The following NRG1 variants were observed in gnomAD, a reference collection of about 807,000 sequenced individuals.
NRG1 encodes the protein pro-neuregulin-1, membrane-bound isoform.
A neutral mutation model predicts 63.8 loss-of-function variants in NRG1; 18 were observed. The observed-to-expected ratio is 0.28, with a 90% CI of 0.19 to 0.42. The LOEUF (loss-of-function observed/expected upper bound fraction) is 0.42. NRG1 is among the 10% of genes least tolerant of loss of function. The pLI is 1.00. For missense variants in NRG1, 762 were observed against 814.7 expected (o/e 0.94, Z 0.79); for synonymous variants, 302 against 301.3 (o/e 1.00, Z -0.02).
intron 9 of NRG1, among the ~76,000 whole-genome samples, chr8:32,757,603 T>C (rs1829916192): frequency 6.6e-6 from 1 of 152,220 alleles, no homozygotes; most frequent in African/African-American, 2.4e-5. Context: ...CATCACAATG[T>C]TCTCCACATT....
At chr8:31,645,639 G>A (rs1469128486) in intron 1 of NRG1, among the ~76,000 whole-genome samples, 2 of 152,176 alleles carry the variant, frequency 1.3e-5, no homozygotes, top group Admixed American at 6.5e-5. Context: ...GCATCCTAGA[G>A]AGAGATGCAT....
In NRG1 at chr8:32,362,483, T is replaced by C. The variant is rs1327291325; in HGVS notation, c.38-233345T>C. Among the ~76,000 whole-genome samples, 3 of 152,246 alleles carry C rather than the reference T, an allele frequency of 2.0e-5. No homozygotes were observed. The East Asian group carries it at 5.8e-4, about 29-fold the overall frequency. On this transcript the variant is annotated intron_variant, in intron 1 of 10. Coordinates refer to the NRG1 transcript ENST00000519301. ...AGGCTTTGGGCATAAAATGCCATTA[T>C]GGAATTACTATTTTATTACAATGGT...
chr8:32,076,526 A>G (rs554675201), intron 1 of NRG1, among the ~76,000 whole-genome samples: 1 of 152,234 alleles, frequency 6.6e-6, no homozygotes. Context: ...GTTTTGACTA[A>G]AATTCCACGG....
intron 1 of NRG1, among the ~76,000 whole-genome samples, chr8:32,370,883 AGAC>A (rs1808746008): frequency 1.4e-5 from 2 of 146,790 alleles, no homozygotes; most frequent in East Asian, 2.0e-4. Flanking sequence ...AAAAAAAAAA[AGAC>A]AACAACAACG....
At chr8:32,296,377 G>A (rs1310282335) in intron 1 of NRG1, among the ~76,000 whole-genome samples, 1 of 152,050 alleles carries the variant, frequency 6.6e-6, no homozygotes, top group East Asian at 2.0e-4. Flanking sequence ...ATCACCTGAG[G>A]TCAGGAGTTC....
At chr8:32,687,013 C>T (rs190497074) in intron 5 of NRG1, among the ~76,000 whole-genome samples, 5 of 152,230 alleles carry the variant, frequency 3.3e-5, no homozygotes, top group African/African-American at 1.2e-4. Flanking sequence ...TCTTCATAAT[C>T]TTGTTCCTGA....
rs377736826 is a variant in NRG1, at chr8:32,068,526, C to T, written c.37+429095C>T. ...AGCTAGTCTTAATTAGGAGAAAAAG[C>T]GGAGGGACTGGAGGAGTGGAGGAGA... On this transcript the variant is annotated intron_variant, in intron 1 of 10. Coordinates refer to the NRG1 transcript ENST00000519301. Among the ~76,000 whole-genome samples the T allele has an allele frequency of 1.4e-4, 22 of 152,208 alleles. No homozygotes were observed. In the East Asian group the frequency reaches 2.5e-3, roughly 17 times the overall value.
At chr8:32,049,859 C>A (rs549612044) in intron 1 of NRG1, among the ~76,000 whole-genome samples, 4 of 152,108 alleles carry the variant, frequency 2.6e-5, no homozygotes, top group Non-Finnish European at 5.9e-5. Context: ...CTGCAACACT[C>A]CTGATGAGCT....
At chr8:32,051,676 G>A (rs566440230) in intron 1 of NRG1, among the ~76,000 whole-genome samples, 1 of 151,858 alleles carries the variant, frequency 6.6e-6, no homozygotes, top group South Asian at 2.1e-4. Context: ...CAGGGAGGTA[G>A]AGAATGCAGT....
chr8:32,620,523 A>G (rs1241441096), intron 5 of NRG1, among the ~76,000 whole-genome samples: 6 of 9,750 alleles, frequency 6.2e-4, no homozygotes, highest in East Asian at 6.3e-3. Context: ...GATTAGAAGA[A>G]AAAAAAAAAA....
At chr8:32,439,709 AT>A (rs1161375626) in intron 1 of NRG1, among the ~76,000 whole-genome samples, 3 of 152,284 alleles carry the variant, frequency 2.0e-5, no homozygotes, top group African/African-American at 7.2e-5. Flanking sequence ...TTATAATTAT[AT>A]AAAAATTGAA....
intron 1 of NRG1, among the ~76,000 whole-genome samples, chr8:32,155,517 T>C (rs1211224234): frequency 6.6e-6 from 1 of 152,180 alleles, no homozygotes; most frequent in Non-Finnish European, 1.5e-5. Context: ...GAAATCACAT[T>C]AAATCCTTTC....
chr8:32,433,758 C>A (rs1260306676), intron 1 of NRG1, among the ~76,000 whole-genome samples: 1 of 152,090 alleles, frequency 6.6e-6, no homozygotes, highest in Non-Finnish European at 1.5e-5. Context: ...AATTTTCAGT[C>A]TCAGTAGGAC....
intron 1 of NRG1, among the ~76,000 whole-genome samples, chr8:31,896,848 A>G (rs1422808642): frequency 1.3e-5 from 2 of 152,118 alleles, no homozygotes; most frequent in African/African-American, 4.8e-5. Context: ...AACATCTCAC[A>G]TTTTTTGGTG....
At chr8:32,418,940 C>G (rs72612105) in intron 1 of NRG1, among the ~76,000 whole-genome samples, 10,906 of 152,156 alleles carry the variant, frequency 0.072, 1,168 homozygotes, top group East Asian at 0.59. Context: ...TTTATGAAAA[C>G]AGAATACATC....
At chr8:32,237,942 C>CAT (rs1481473429) in intron 1 of NRG1, among the ~76,000 whole-genome samples, 1 of 150,680 alleles carries the variant, frequency 6.6e-6, no homozygotes, top group Non-Finnish European at 1.5e-5. Context: ...GCCTGAGATA[C>CAT]ATATCTAGGC....
rs996691261 is a variant in NRG1, at chr8:32,628,225, T to G, written c.502+11340T>G. Among the ~76,000 whole-genome samples, 4 of 152,342 alleles carry G rather than the reference T, an allele frequency of 2.6e-5. No homozygotes were observed. In the East Asian group the frequency reaches 7.7e-4, roughly 29 times the overall value. On this transcript the variant is annotated intron_variant, in intron 5 of 11. Transcript: ENST00000356819. ...AGGATATTTTTATGATGAAATGTGATACGAAGAGGCATAGCCTTACATATA... is the reference window on the plus strand; with the variant it reads ...AGGATATTTTTATGATGAAATGTGAGACGAAGAGGCATAGCCTTACATATA...
At chr8:31,822,318 C>T (rs148779682) in intron 1 of NRG1, among the ~76,000 whole-genome samples, 1 of 152,104 alleles carries the variant, frequency 6.6e-6, no homozygotes, top group Non-Finnish European at 1.5e-5. Flanking sequence ...TGTGGATGCT[C>T]ACATTTTTTT....
chr8:31,774,376 G>A lies in NRG1; in HGVS notation c.37+134945G>A, dbSNP rs116362939. Among the ~76,000 whole-genome samples the A allele has an allele frequency of 3.4e-3, 517 of 151,860 alleles. 3 individuals are homozygous for A. The highest frequency in any genetic ancestry group is 0.012 in the African/African-American group (486 of 41,386). ...CTTAGATCATAATATATATTTATTT[G>A]TTGGCTTATTTCCTGCCTTCCTGTC... is the stretch of plus-strand genomic sequence containing the variant. On this transcript the variant is annotated intron_variant, in intron 1 of 10. Coordinates refer to the NRG1 transcript ENST00000519301.
Sources: allele counts gnomAD v4.1 joint callset (sites outside exome capture counted in the v4.1 genomes callset), GRCh38; gene constraint gnomAD v4.1.1; transcripts MANE v1.5; gene names NCBI Gene and HGNC (gene_info 2026-07-23, HGNC 2026-07-21).